Variants in NELL2 observed in about 807,000 individuals in gnomAD.
NELL2 encodes neural EGFL like 2, also known as protein kinase C-binding protein NELL2.
A neutral mutation model predicts 109.6 loss-of-function variants in NELL2; 41 were observed. The observed-to-expected ratio is 0.37, with a 90% CI of 0.29 to 0.49. NELL2 has a LOEUF of 0.49. NELL2 is among the 20% of genes least tolerant of loss of function. The probability of loss-of-function intolerance (pLI) is 0.98; values close to 1 mark genes in which losing one functional copy is unlikely to be tolerated. For missense variants in NELL2, 900 were observed against 1,008.3 expected (o/e 0.89, Z 1.45); for synonymous variants, 355 against 344.7 (o/e 1.03, Z -0.33).
intron 14 of NELL2, among the ~76,000 whole-genome samples, chr12:44,610,254 A>C (rs11182557): frequency 0.47 from 69,430 of 147,836 alleles, 17,091 homozygotes; most frequent in African/African-American, 0.64. Context: ...AAAAAAAAAA[A>C]CAAAAAAAAA....
At chr12:44,642,022 A>G (rs530842090) in intron 13 of NELL2, among the ~76,000 whole-genome samples, 9 of 151,974 alleles carry the variant, frequency 5.9e-5, no homozygotes, top group South Asian at 4.2e-4. Flanking sequence ...TGGAGTCACA[A>G]TTTTCTCCTC....
chr12:44,858,708 C>A (rs775450168), intron 2 of NELL2, among the ~76,000 whole-genome samples: 16 of 152,260 alleles, frequency 1.1e-4, no homozygotes, highest in Middle Eastern at 3.4e-3. Context: ...TAATGTCTAT[C>A]CCGGCAATGT....
At chr12:44,710,202 AC>A (rs1461966513) in intron 11 of NELL2, among the ~76,000 whole-genome samples, 1 of 152,206 alleles carries the variant, frequency 6.6e-6, no homozygotes, top group Admixed American at 6.6e-5. Flanking sequence ...TCCTATGTCC[AC>A]TTTTAATAGA....
In NELL2 at chr12:44,779,741, T is replaced by C. The variant is rs1592517026; in HGVS notation, c.528A>G (p.Val176=). 5.6e-6 allele frequency: 9 copies of C among 1,614,010 alleles called. No individual in the cohort carries two copies. The highest frequency in any genetic ancestry group is 7.6e-6 in the Non-Finnish European group (9 of 1,179,880). ...IDCNKIYERV[V]EKPSTDLPLG... The stretch of plus-strand genomic sequence containing the variant: ...GAGGCAAGTCTGTGGAGGGCTTTTC[T>C]ACTACCCTTTCATAAATTCTGCAAA... The change falls in exon 5 of 20, where the codon GTA becomes GTG. Residue 176 remains valine, a synonymous_variant. Transcript: ENST00000429094.
chr12:44,600,133 T>TTTA (rs1303405752), intron 15 of NELL2, among the ~76,000 whole-genome samples: 1 of 84,002 alleles, frequency 1.2e-5, no homozygotes, highest in East Asian at 2.6e-4. Context: ...GGCTAATTTA[T>TTTA]TTATTTATTT....
chr12:44,600,268 G>A (rs888441530), intron 15 of NELL2, among the ~76,000 whole-genome samples: 2 of 150,982 alleles, frequency 1.3e-5, no homozygotes, highest in East Asian at 1.9e-4. Context: ...CTCGTCCTCC[G>A]AAAGTGCTGG....
chr12:44,825,161 T>G (rs1297253807), intron 2 of NELL2, among the ~76,000 whole-genome samples: 1 of 152,150 alleles, frequency 6.6e-6, no homozygotes, highest in Non-Finnish European at 1.5e-5. Flanking sequence ...CATTGAAATT[T>G]TAATAGGAAT....
chr12:44,716,335 C>G (rs1901144), intron 9 of NELL2, among the ~76,000 whole-genome samples: 2 of 152,050 alleles, frequency 1.3e-5, no homozygotes, highest in African/African-American at 2.4e-5. Flanking sequence ...TCCTAGCCAA[C>G]TGATTTTGAA....
intron 19 of NELL2, among the ~76,000 whole-genome samples, chr12:44,510,266 C>T (rs1940936691): frequency 6.6e-6 from 1 of 152,094 alleles, no homozygotes; most frequent in South Asian, 2.1e-4. Flanking sequence ...TAATTTCAAC[C>T]GCACAGCATT....
chr12:44,590,552 T>G (rs1944706926), intron 15 of NELL2, among the ~76,000 whole-genome samples: 1 of 152,196 alleles, frequency 6.6e-6, no homozygotes, highest in African/African-American at 2.4e-5. Context: ...TAACTGAAAT[T>G]GTGTTTTTGC....
intron 13 of NELL2, among the ~76,000 whole-genome samples, chr12:44,624,928 A>G (rs1946185158): frequency 1.3e-5 from 2 of 150,528 alleles, no homozygotes; most frequent in Admixed American, 1.3e-4. Flanking sequence ...TAATGGAATC[A>G]TAATGTGAAA....
intron 15 of NELL2, among the ~76,000 whole-genome samples, chr12:44,567,004 G>A (rs2136190283): frequency 6.6e-6 from 1 of 152,094 alleles, no homozygotes; most frequent in Middle Eastern, 3.4e-3. Context: ...TAGAGATGGG[G>A]TTTCACCATG....
At chr12:44,859,054 A>G (rs1944763559) in intron 2 of NELL2, among the ~76,000 whole-genome samples, 1 of 152,196 alleles carries the variant, frequency 6.6e-6, no homozygotes, top group African/African-American at 2.4e-5. Flanking sequence ...AGACTAGGAT[A>G]CAATTTTCCT....
intron 1 of NELL2, among the ~76,000 whole-genome samples, chr12:44,909,329 A>C (rs940671566): frequency 3.3e-5 from 5 of 151,914 alleles, no homozygotes; most frequent in Non-Finnish European, 7.4e-5. Context: ...TCCCATTTAC[A>C]ATAGCCACAC....
At chr12:44,854,817 A>T (rs1221741118) in intron 2 of NELL2, among the ~76,000 whole-genome samples, 2 of 152,048 alleles carry the variant, frequency 1.3e-5, no homozygotes, top group African/African-American at 2.4e-5. Flanking sequence ...AAGTTACTTA[A>T]ATGTTGGAAC....
intron 13 of NELL2, among the ~76,000 whole-genome samples, chr12:44,658,877 CAAA>C (rs58696965): frequency 4.3e-5 from 3 of 69,924 alleles, no homozygotes; most frequent in Non-Finnish European, 5.9e-5. Context: ...ACTCTGTCTC[CAAA>C]AAAAAAAAAA....
At chr12:44,544,860 G>T (rs146016151) in intron 15 of NELL2, among the ~76,000 whole-genome samples, 38 of 152,068 alleles carry the variant, frequency 2.5e-4, no homozygotes, top group Admixed American at 1.0e-3. Flanking sequence ...ACTGCAAGAT[G>T]CTACTACAAT....
At chr12:44,558,670 T>C (rs1377647975) in intron 15 of NELL2, among the ~76,000 whole-genome samples, 2 of 152,136 alleles carry the variant, frequency 1.3e-5, no homozygotes, top group Admixed American at 6.5e-5. Flanking sequence ...CCCATGGTCT[T>C]AGCAAACCAC....
At chr12:44,861,823 C>A (rs1944852350) in intron 2 of NELL2, among the ~76,000 whole-genome samples, 1 of 152,224 alleles carries the variant, frequency 6.6e-6, no homozygotes, top group Non-Finnish European at 1.5e-5. Flanking sequence ...TTCCCACCAA[C>A]CATGCCAGAC....
Sources: allele counts gnomAD v4.1 joint callset (sites outside exome capture counted in the v4.1 genomes callset), GRCh38; gene constraint gnomAD v4.1.1; transcripts MANE v1.5; gene names NCBI Gene and HGNC (gene_info 2026-07-23, HGNC 2026-07-21).